Variants in MGAT4C observed in about 807,000 individuals in gnomAD.
MGAT4C encodes the protein MGAT4 family member C.
In MGAT4C, 19 loss-of-function variants were observed where a neutral mutation model predicts 40.1. The observed-to-expected ratio is 0.47, with a 90% CI of 0.33 to 0.70. The LOEUF (loss-of-function observed/expected upper bound fraction) is 0.70, where lower values mean the gene tolerates loss of function less well. Among genes scored for constraint, MGAT4C ranks in the 30% least tolerant of loss-of-function variants. The pLI, the probability that MGAT4C is intolerant of heterozygous loss-of-function variation, is 0.02. For synonymous variants in MGAT4C, 181 were observed against 187.1 expected (o/e 0.97, Z 0.27); for missense variants, 491 against 563.2 (o/e 0.87, Z 1.30).
chr12:86,211,354 A>G (rs983972958), intron 1 of MGAT4C, among the ~76,000 whole-genome samples: 4 of 143,156 alleles, frequency 2.8e-5, no homozygotes, highest in Non-Finnish European at 6.1e-5. Context: ...TGAGGTCAAG[A>G]GATCAAGACC....
chr12:86,766,152 A>C (rs1253715379), intron 1 of MGAT4C, among the ~76,000 whole-genome samples: 1 of 152,182 alleles, frequency 6.6e-6, no homozygotes, highest in Non-Finnish European at 1.5e-5. Flanking sequence ...ACATAGGCTC[A>C]AAATAAAAGG....
intron 1 of MGAT4C, among the ~76,000 whole-genome samples, chr12:86,794,401 A>T (rs1032219022): frequency 6.6e-6 from 1 of 151,816 alleles, no homozygotes; most frequent in Non-Finnish European, 1.5e-5. Flanking sequence ...TCTATGAAAA[A>T]GTAAAAGTGA....
chr12:86,745,279 T>C (rs577108101), intron 1 of MGAT4C: 1 of 151,748 alleles, frequency 6.6e-6, no homozygotes, highest in African/African-American at 2.4e-5. Flanking sequence ...GAAAGGCATA[T>C]ATATTTAGAT....
chr12:86,784,091 C>T (rs767385331), intron 1 of MGAT4C, among the ~76,000 whole-genome samples: 8 of 151,862 alleles, frequency 5.3e-5, no homozygotes, highest in Non-Finnish European at 8.8e-5. Flanking sequence ...TATTCATCTA[C>T]AATATTCCTG....
At chr12:86,190,964 A>G (rs1889332489) in intron 1 of MGAT4C, among the ~76,000 whole-genome samples, 1 of 152,000 alleles carries the variant, frequency 6.6e-6, no homozygotes, top group African/African-American at 2.4e-5. Flanking sequence ...CCAGACTGCC[A>G]GTCTGTGCTA....
chr12:86,766,796 A>T (rs1015241771), intron 1 of MGAT4C, among the ~76,000 whole-genome samples: 4 of 152,138 alleles, frequency 2.6e-5, no homozygotes, highest in African/African-American at 4.8e-5. Context: ...TGAAGGCAGA[A>T]ATAAAGATGT....
At chr12:86,540,840 T>C (rs1337275036) in intron 2 of MGAT4C, among the ~76,000 whole-genome samples, 1 of 152,212 alleles carries the variant, frequency 6.6e-6, no homozygotes, top group African/African-American at 2.4e-5. Flanking sequence ...AGATAATAAA[T>C]GTTCGTTTTC....
rs757643723 is a variant in MGAT4C at position 85,959,332 on chromosome 12, AAG to A, written c.*19955_*19956del. 17 of 152,188 alleles carry A rather than the reference AAG, an allele frequency of 1.1e-4. No homozygotes were observed. The highest frequency in any genetic ancestry group is 1.9e-4 in the East Asian group (1 of 5,182). 9.4% of individuals were successfully genotyped at this position (152,188 alleles called of 1,614,324 possible). On this transcript the variant is annotated 3_prime_UTR_variant, in exon 5 of 5. Coordinates refer to ENST00000611864, the MANE Select transcript of MGAT4C (RefSeq NM_001351288.2). ...TAAATTTATTTGGATATGCTGAAAAAAGAGGGGGTATAAAATCTAAAGTTTGG... is the reference window on the plus strand; with the variant it reads ...TAAATTTATTTGGATATGCTGAAAAAAGGGGGTATAAAATCTAAAGTTTGG...
At chr12:86,445,481 C>T (rs187891642) in intron 2 of MGAT4C, among the ~76,000 whole-genome samples, 1 of 152,208 alleles carries the variant, frequency 6.6e-6, no homozygotes, top group East Asian at 1.9e-4. Context: ...GTTTGAGAAA[C>T]TGGCAATACA....
chr12:86,131,329 C>T (rs1228928293), intron 1 of MGAT4C, among the ~76,000 whole-genome samples: 3 of 152,020 alleles, frequency 2.0e-5, no homozygotes, highest in Non-Finnish European at 4.4e-5. Context: ...GCAAATGACC[C>T]TTATCTTTCT....
At chr12:86,759,121 A>G (rs981768730) in intron 1 of MGAT4C, among the ~76,000 whole-genome samples, 45 of 152,122 alleles carry the variant, frequency 3.0e-4, no homozygotes, top group African/African-American at 9.4e-4. Context: ...TCTACATATG[A>G]GTAAGATCAT....
intron 1 of MGAT4C, among the ~76,000 whole-genome samples, chr12:86,812,088 T>C (rs1952488726): frequency 6.6e-6 from 1 of 152,254 alleles, no homozygotes; most frequent in Admixed American, 6.5e-5. Context: ...GTGTTTAATT[T>C]TCATGTGTTT....
intron 2 of MGAT4C, among the ~76,000 whole-genome samples, chr12:86,684,966 T>G (rs1950046826): frequency 6.6e-6 from 1 of 152,134 alleles, no homozygotes; most frequent in Admixed American, 6.5e-5. Flanking sequence ...TTGCAAAAAT[T>G]TTCTCCTATT....
At chr12:86,060,590 AC>A (rs1485548042) in intron 1 of MGAT4C, among the ~76,000 whole-genome samples, 25 of 152,174 alleles carry the variant, frequency 1.6e-4, no homozygotes, top group Admixed American at 4.6e-4. Context: ...AATTTTATGA[AC>A]CCTCGCATTG....
At chr12:86,506,726 T>G (rs1958478371) in intron 2 of MGAT4C, among the ~76,000 whole-genome samples, 1 of 152,192 alleles carries the variant, frequency 6.6e-6, no homozygotes, top group African/African-American at 2.4e-5. Context: ...AGAATTAGTC[T>G]AGTAGTTCCA....
At chr12:86,168,388 AT>A (rs1289797514) in intron 1 of MGAT4C, among the ~76,000 whole-genome samples, 2 of 152,150 alleles carry the variant, frequency 1.3e-5, no homozygotes, top group African/African-American at 4.8e-5. Context: ...CTTATTCAGC[AT>A]TTTTTTCAGT....
Position 86,021,387 on chromosome 12 carries a change from A to G in MGAT4C, c.-7+28287T>C, listed in dbSNP as rs552346101. ...GATTAAGAAAATGTGGCACATATAC[A>G]CCATGGAATACTATGCAGCCATAAA... On this transcript the variant is annotated intron_variant, in intron 2 of 4. Transcript: ENST00000611864. 1.9e-4 allele frequency among the ~76,000 whole-genome samples: 29 copies of G among 152,072 alleles called. No individual in the cohort carries two copies. In the East Asian group the frequency reaches 5.4e-3, roughly 29 times the overall value.
intron 2 of MGAT4C, among the ~76,000 whole-genome samples, chr12:86,043,378 C>A (rs528390750): frequency 6.6e-6 from 1 of 152,216 alleles, no homozygotes; most frequent in Non-Finnish European, 1.5e-5. Flanking sequence ...TAGCCCCTGG[C>A]AAACCACTGG....
At chr12:86,245,017 C>A (rs1418219256) in intron 1 of MGAT4C, among the ~76,000 whole-genome samples, 1 of 152,176 alleles carries the variant, frequency 6.6e-6, no homozygotes, top group Non-Finnish European at 1.5e-5. Flanking sequence ...AAGTTAAATT[C>A]TCTGCTCATA....
Sources: allele counts gnomAD v4.1 joint callset (sites outside exome capture counted in the v4.1 genomes callset), GRCh38; gene constraint gnomAD v4.1.1; transcripts MANE v1.5; gene names NCBI Gene and HGNC (gene_info 2026-07-23, HGNC 2026-07-21).